Variants in PTN observed in about 807,000 individuals in gnomAD.
The protein encoded by PTN is heparin affin regulatory protein.
PTN carries 18 observed loss-of-function variants against 24.1 expected under a neutral mutation model. The ratio of observed to expected loss-of-function variants is 0.75; its 90% CI spans 0.52 to 1.11. PTN has a LOEUF of 1.11. PTN is among the 50% of genes least tolerant of loss of function. The pLI, the probability that PTN is intolerant of heterozygous loss-of-function variation, is 0.00. For missense variants in PTN, 163 were observed against 198.8 expected (o/e 0.82, Z 1.08); for synonymous variants, 78 against 68.6 (o/e 1.14, Z -0.67).
intron 3 of PTN, 131 bp downstream of exon 3, chr7:137,253,333 G>C: frequency 1.0e-6 from 1 of 966,590 alleles, no homozygotes. Context: ...AATGGGACCA[G>C]TCTGGTCACT....
chr7:137,339,898 T>C (rs536336418), intron 1 of PTN, among the ~76,000 whole-genome samples: 82 of 152,320 alleles, frequency 5.4e-4, no homozygotes, highest in Middle Eastern at 3.4e-3. Context: ...AATTATGTTT[T>C]AGCTTTTGCT....
At chr7:137,284,599 T>A (rs549511865) in intron 1 of PTN, among the ~76,000 whole-genome samples, 32 of 152,322 alleles carry the variant, frequency 2.1e-4, no homozygotes, top group Non-Finnish European at 4.0e-4. Flanking sequence ...TAGAGTATCT[T>A]GGTTTCAGGA....
intron 1 of PTN, among the ~76,000 whole-genome samples, chr7:137,278,590 G>A (rs1160885563): frequency 6.6e-6 from 1 of 151,976 alleles, no homozygotes; most frequent in Non-Finnish European, 1.5e-5. Context: ...GGCTTATATT[G>A]ATCTGAAAAA....
intron 1 of PTN, among the ~76,000 whole-genome samples, chr7:137,282,728 T>C (rs1809492863): frequency 2.6e-5 from 4 of 152,212 alleles, no homozygotes; most frequent in Admixed American, 2.6e-4. Context: ...TATTTAAAAG[T>C]CATCTTTAGA....
chr7:137,253,649 G>A lies in PTN; in HGVS notation c.116-12C>T. 1.3e-6 allele frequency: 2 copies of A among 1,527,372 alleles called. No individual in the cohort carries two copies. The highest frequency in any genetic ancestry group is 1.8e-6 in the Non-Finnish European group (2 of 1,131,026). 94.6% of individuals were successfully genotyped at this position (1,527,372 alleles called of 1,614,324 possible). On this transcript the variant is annotated splice_polypyrimidine_tract_variant and intron_variant, in intron 2 of 4. Transcript: ENST00000348225. ...CTTCACTTTTTTTTCTGAATGAAAG[G>A]AGGAAAACCTAATCAACATACAGAA...
At chr7:137,340,294 C>A (rs974946813) in intron 1 of PTN, among the ~76,000 whole-genome samples, 5 of 152,086 alleles carry the variant, frequency 3.3e-5, no homozygotes, top group Admixed American at 6.6e-5. Context: ...TCATAGCTAC[C>A]CTTTTAAGAT....
At chr7:137,316,328 T>G (rs1036681774) in intron 1 of PTN, among the ~76,000 whole-genome samples, 1 of 152,198 alleles carries the variant, frequency 6.6e-6, no homozygotes, top group Non-Finnish European at 1.5e-5. Context: ...TGTGCAAACT[T>G]GGAGCAAGGT....
At chr7:137,313,195 G>A (rs1810012999) in intron 1 of PTN, among the ~76,000 whole-genome samples, 1 of 151,946 alleles carries the variant, frequency 6.6e-6, no homozygotes, top group African/African-American at 2.4e-5. Context: ...AATATATATC[G>A]TGTCTCGGCT....
At chr7:137,248,100 T>A (rs1239100016) in intron 4 of PTN, among the ~76,000 whole-genome samples, 1 of 152,234 alleles carries the variant, frequency 6.6e-6, no homozygotes, top group Non-Finnish European at 1.5e-5. Flanking sequence ...AGAAACTGAA[T>A]AATGATAATG....
At chr7:137,274,031 G>A (rs1454945577) in intron 1 of PTN, among the ~76,000 whole-genome samples, 1 of 69,250 alleles carries the variant, frequency 1.4e-5, no homozygotes, top group Non-Finnish European at 3.2e-5. Context: ...AATTTCAGAA[G>A]CGCACACACA....
At chr7:137,304,520 C>A (rs533440349) in intron 1 of PTN, among the ~76,000 whole-genome samples, 12 of 151,752 alleles carry the variant, frequency 7.9e-5, no homozygotes, top group Non-Finnish European at 1.8e-4. Flanking sequence ...AAGAAGAAAG[C>A]TTTATTGCCT....
At chr7:137,330,892 C>T (rs981324655) in intron 1 of PTN, among the ~76,000 whole-genome samples, 1 of 152,118 alleles carries the variant, frequency 6.6e-6, no homozygotes, top group Non-Finnish European at 1.5e-5. Context: ...CCTTAGGATA[C>T]ACCATGACAG....
At chr7:137,242,937 C>T (rs1423799530) in intron 4 of PTN, among the ~76,000 whole-genome samples, 1 of 152,178 alleles carries the variant, frequency 6.6e-6, no homozygotes, top group Non-Finnish European at 1.5e-5. Flanking sequence ...ACACGTGTGG[C>T]TTGGAGAAGA....
At chr7:137,304,005 A>C (rs1809847236) in intron 1 of PTN, among the ~76,000 whole-genome samples, 1 of 152,056 alleles carries the variant, frequency 6.6e-6, no homozygotes, top group African/African-American at 2.4e-5. Flanking sequence ...AAGGTGGGAA[A>C]GCTGCAGTCT....
intron 1 of PTN, among the ~76,000 whole-genome samples, chr7:137,264,364 G>T (rs1448138412): frequency 6.6e-6 from 1 of 152,170 alleles, no homozygotes; most frequent in Non-Finnish European, 1.5e-5. Flanking sequence ...GTCTGAGGAA[G>T]GTCAGTTGAA....
At chr7:137,281,483 G>T (rs1484038473) in intron 1 of PTN, among the ~76,000 whole-genome samples, 1 of 152,064 alleles carries the variant, frequency 6.6e-6, no homozygotes, top group African/African-American at 2.4e-5. Flanking sequence ...CTACTCTCAG[G>T]GCCAGTAGCG....
intron 1 of PTN, among the ~76,000 whole-genome samples, chr7:137,342,147 G>A (rs568817642): frequency 5.9e-5 from 9 of 152,078 alleles, no homozygotes; most frequent in Middle Eastern, 3.4e-3. Context: ...ATGCATTCCC[G>A]GATAATTAAG....
At position 137,336,048 on chromosome 7, in the gene PTN, T is replaced by C. The variant is rs1022848734; in HGVS notation, c.-2+7391A>G. Among the ~76,000 whole-genome samples the C allele has an allele frequency of 5.9e-5, 9 of 152,032 alleles. No individual in the cohort carries two copies. In the East Asian group the frequency reaches 1.5e-3, roughly 26 times the overall value. On this transcript the variant is annotated intron_variant, in intron 1 of 4. Coordinates refer to ENST00000348225, the MANE Select transcript of PTN (RefSeq NM_002825.7). ...AAGCAACTTAGGCAATCTCTGTGTG[T>C]CCTGAGAAAATGACAATGACAATAG...
intron 1 of PTN, among the ~76,000 whole-genome samples, chr7:137,299,822 G>T (rs552468684): frequency 6.6e-6 from 1 of 151,802 alleles, no homozygotes; most frequent in African/African-American, 2.4e-5. Context: ...TGACTCTTTT[G>T]CCAGAGACCC....
Sources: allele counts gnomAD v4.1 joint callset (sites outside exome capture counted in the v4.1 genomes callset), GRCh38; gene constraint gnomAD v4.1.1; transcripts MANE v1.5; gene names NCBI Gene and HGNC (gene_info 2026-07-23, HGNC 2026-07-21).